The following RNF17 variants were observed in gnomAD, a reference collection of about 807,000 sequenced individuals.
The protein encoded by RNF17 is spermatogenesis associated 23.
A neutral mutation model predicts 200.5 loss-of-function variants in RNF17; 31 were observed. The ratio of observed to expected loss-of-function variants is 0.15; its 90% CI spans 0.12 to 0.21. The LOEUF (loss-of-function observed/expected upper bound fraction) is 0.21. Ranked by LOEUF, RNF17 falls within the 10% of genes least tolerant of loss-of-function variation. The pLI is 1.00. For missense variants in RNF17, 1,628 were observed against 1,905.1 expected (o/e 0.85, Z 2.71); for synonymous variants, 606 against 637.8 (o/e 0.95, Z 0.75).
At chr13:24,886,393 A>C in the RNF17 span, 1 of 1,286,966 alleles carries the variant, frequency 7.8e-7, no homozygotes, top group Non-Finnish European at 1.0e-6. Context: ...TGCCTGTGAG[A>C]CAGGAATGGT....
chr13:24,786,358 G>A (rs1352230490), intron 6 of RNF17, among the ~76,000 whole-genome samples: 2 of 151,840 alleles, frequency 1.3e-5, no homozygotes, highest in Non-Finnish European at 2.9e-5. Flanking sequence ...CCTCTATATT[G>A]TATACCTGTT....
chr13:24,800,027 A>G (rs1885059252), intron 12 of RNF17, among the ~76,000 whole-genome samples: 1 of 152,170 alleles, frequency 6.6e-6, no homozygotes, highest in Non-Finnish European at 1.5e-5. Context: ...TTTCTGTAGT[A>G]AGGACCAGTA....
downstream of RNF17, among the ~76,000 whole-genome samples, chr13:24,881,554 T>C (rs530800508): frequency 1.3e-5 from 2 of 151,962 alleles, no homozygotes; most frequent in East Asian, 3.9e-4. Context: ...TATATATAGG[T>C]ATATTCTAGA....
chr13:24,886,011 A>G, the RNF17 span: 1 of 387,630 alleles, frequency 2.6e-6, no homozygotes, highest in South Asian at 2.2e-5. Context: ...GGCTTCACCA[A>G]ATAACTGGGT....
chr13:24,860,751 G>C (rs1893007229), intron 26 of RNF17, among the ~76,000 whole-genome samples: 1 of 152,002 alleles, frequency 6.6e-6, no homozygotes, highest in Non-Finnish European at 1.5e-5. Context: ...TCAAAAAAAA[G>C]TCTGATGGGT....
At chr13:24,856,197 G>A (rs554079051) in intron 25 of RNF17, among the ~76,000 whole-genome samples, 6 of 152,164 alleles carry the variant, frequency 3.9e-5, no homozygotes, top group South Asian at 2.1e-4. Context: ...CTAGGTGGGT[G>A]GATCACAAAG....
At chr13:24,820,992 G>C (rs1037250102) in intron 15 of RNF17, among the ~76,000 whole-genome samples, 4 of 152,146 alleles carry the variant, frequency 2.6e-5, no homozygotes, top group Admixed American at 6.5e-5. Context: ...ATTGTCAACA[G>C]TTTTGGAGTC....
Position 24,831,878 on chromosome 13 carries a change from C to T in RNF17, c.2382C>T (p.Ala794=), listed in dbSNP as rs1378049677. 1.3e-6 allele frequency: 2 copies of T among 1,597,598 alleles called. No homozygotes were observed. The highest frequency in any genetic ancestry group is 8.5e-7 in the Non-Finnish European group (1 of 1,175,932). Residue 794 remains alanine, a synonymous_variant, in exon 18 of 36, where the codon GCC becomes GCT. Transcript: ENST00000255324. Reference sequence around the variant, plus strand: ...CACAGGCAATTAAATGTAAGTTGGCCTATATTGAACCATATAAAAGGACAA... The same window carrying T: ...CACAGGCAATTAAATGTAAGTTGGCTTATATTGAACCATATAAAAGGACAA... ...APEKAIKCKL[A]YIEPYKRTMQ...
upstream of RNF17, chr13:24,764,147 G>C (rs918004020): frequency 6.6e-7 from 1 of 1,510,022 alleles, no homozygotes; most frequent in Admixed American, 1.8e-5. Flanking sequence ...ATTGGTCGCT[G>C]CCGCGAGGGC....
the RNF17 span, among the ~76,000 whole-genome samples, chr13:24,748,604 A>T: frequency 6.6e-6 from 1 of 152,238 alleles, no homozygotes; most frequent in East Asian, 1.9e-4. Context: ...GGTGACTTGC[A>T]GTGAGACTGA....
chr13:24,812,643 C>T (rs1886824968), intron 15 of RNF17, among the ~76,000 whole-genome samples: 1 of 144,948 alleles, frequency 6.9e-6, no homozygotes, highest in Non-Finnish European at 1.5e-5. Flanking sequence ...GGAGCTGTTC[C>T]TATTCAGCCA....
At chr13:24,884,295 A>G (rs145668467), downstream of RNF17, 362 of 1,614,054 alleles carry the variant, frequency 2.2e-4, no homozygotes, top group African/African-American at 3.9e-3. Flanking sequence ...TGGTTAAACT[A>G]TGGAGGAGAA....
chr13:24,865,058 C>T, intron 29 of RNF17, 60 bp downstream of exon 29: 3 of 1,256,292 alleles, frequency 2.4e-6, no homozygotes, highest in Non-Finnish European at 3.3e-6. Context: ...TAAAATGTCA[C>T]ATTTTGTCTT....
chr13:24,814,359 C>T (rs945301216), intron 15 of RNF17, among the ~76,000 whole-genome samples: 1 of 152,168 alleles, frequency 6.6e-6, no homozygotes, highest in Non-Finnish European at 1.5e-5. Flanking sequence ...TGATAGTGTC[C>T]TTTGTTCCAC....
At chr13:24,878,280 C>T (rs1437051156) in intron 34 of RNF17, among the ~76,000 whole-genome samples, 2 of 152,196 alleles carry the variant, frequency 1.3e-5, no homozygotes, top group Admixed American at 6.5e-5. Context: ...GTATGAATAG[C>T]TCATACAGGG....
At chr13:24,764,392 A>G (rs1593190172) in intron 1 of RNF17, 59 bp downstream of exon 1, 5 of 1,507,786 alleles carry the variant, frequency 3.3e-6, no homozygotes, top group East Asian at 5.0e-5. Flanking sequence ...GCTGGGGGCC[A>G]GGTGAGCTGG....
At chr13:24,771,706 T>TA (rs1018901230) in intron 2 of RNF17, among the ~76,000 whole-genome samples, 2 of 151,646 alleles carry the variant, frequency 1.3e-5, no homozygotes, top group Non-Finnish European at 2.9e-5. Context: ...CTTCAATACT[T>TA]ACGTTTTTTT....
chr13:24,796,223 G>T lies in RNF17; in HGVS notation c.1327G>T (p.Val443Leu). 1 of 1,612,582 alleles carries T rather than the reference G, an allele frequency of 6.2e-7. No homozygotes were observed. Among genetic ancestry groups the T allele is most frequent in the Non-Finnish European group, 8.5e-7 (1 of 1,178,996 alleles). Residue 443 changes from valine to leucine, a missense_variant, in exon 11 of 36, where the codon GTA becomes TTA. By Grantham distance (32) the Val-to-Leu change is conservative. Coordinates refer to ENST00000255324, the MANE Select transcript of RNF17 (RefSeq NM_031277.3). Reference protein sequence around the residue: ...RKYSQIKDAKVLEKKVNEFCN... With the variant: ...RKYSQIKDAKLLEKKVNEFCN... ...GTATTCACAAATAAAAGACGCCAAA[G>T]TACTGGAGAAGAAGGTGAATGAATT...
intron 8 of RNF17, 126 bp downstream of exon 8, chr13:24,789,550 A>G (rs1883577581): frequency 1.1e-6 from 1 of 897,962 alleles, no homozygotes; most frequent in Non-Finnish European, 1.8e-6. Context: ...GTTAGTAACC[A>G]AATTAAGATA....
Sources: gnomAD v4.1 joint callset for allele counts (sites outside exome capture counted in the v4.1 genomes callset) on GRCh38, gnomAD v4.1.1 for gene constraint, MANE v1.5 for transcripts, NCBI Gene and HGNC (gene_info 2026-07-23, HGNC 2026-07-21) for gene names.